Variants in TRIM54 observed in about 807,000 individuals in gnomAD.
TRIM54 encodes tripartite motif containing 54.
In TRIM54, 40 loss-of-function variants were observed where a neutral mutation model predicts 42.0. The observed-to-expected ratio is 0.95, with a 90% confidence interval of 0.74 to 1.24. The LOEUF is 1.24. TRIM54 is among the 50% of genes most tolerant of loss of function. TRIM54 has a pLI of 0.00. For synonymous variants in TRIM54, 199 were observed against 194.9 expected (o/e 1.02, Z -0.17); for missense variants, 485 against 480.3 (o/e 1.01, Z -0.09).
chr2:27,283,772 A>G (rs79008519), intron 1 of TRIM54, among the ~76,000 whole-genome samples: 18,721 of 111,756 alleles, frequency 0.17, 1,433 homozygotes, highest in African/African-American at 0.25. Context: ...AGGCACACAC[A>G]CACACACGCG....
At position 27,307,218 on chromosome 2, in the gene TRIM54, C is replaced by T. The variant is rs1679251355; in HGVS notation, c.*333C>T. The T allele has an allele frequency of 6.7e-6, 3 of 447,754 alleles. No homozygotes were observed. The highest frequency in any genetic ancestry group is 1.2e-5 in the Non-Finnish European group (3 of 248,998). The allele number at this position is 447,754 out of a possible 1,614,324, so 27.7% of individuals were successfully genotyped here. ...CGAGGGCGGGGCGGTGGTGCCGGGA[C>T]CTCTGAGGTCCTGGGGATTTGGGGA... On this transcript the variant is annotated 3_prime_UTR_variant, in exon 9 of 9. Coordinates refer to ENST00000380075, the MANE Select transcript of TRIM54 (RefSeq NM_187841.3). The surrounding 1 kb of genome is among the most constrained non-coding windows in gnomAD (Gnocchi z 6.9).
intron 3 of TRIM54, 97 bp downstream of exon 3, chr2:27,299,513 T>C (rs1397700326): frequency 1.3e-6 from 2 of 1,541,298 alleles, no homozygotes; most frequent in Admixed American, 3.9e-5. Flanking sequence ...TGTTTACTTA[T>C]TTCTTTATTT....
At chr2:27,303,389 A>C (rs1679090060) in intron 3 of TRIM54, among the ~76,000 whole-genome samples, 1 of 152,082 alleles carries the variant, frequency 6.6e-6, no homozygotes, top group Admixed American at 6.6e-5. Flanking sequence ...GTCTCTACTA[A>C]AGATACAAAA....
intron 1 of TRIM54, among the ~76,000 whole-genome samples, chr2:27,283,772 A>ATGCGCGCGCGCGCG (rs1678461831): frequency 1.8e-5 from 2 of 112,138 alleles, no homozygotes; most frequent in Admixed American, 1.8e-4. Flanking sequence ...AGGCACACAC[A>ATGCGCGCGCGCGCG]CACACACGCG....
chr2:27,287,907 T>G (rs770779918), intron 1 of TRIM54, among the ~76,000 whole-genome samples: 1 of 152,204 alleles, frequency 6.6e-6, no homozygotes, highest in Non-Finnish European at 1.5e-5. Flanking sequence ...TGGATTTCCA[T>G]TTTTTGAGGG....
At position 27,306,252 on chromosome 2, in the gene TRIM54, G is replaced by T; in HGVS notation, c.906G>T (p.Pro302=). Residue 302 remains proline, a synonymous_variant, in exon 7 of 9, where the codon CCG becomes CCT. Coordinates refer to ENST00000380075, the MANE Select transcript of TRIM54 (RefSeq NM_187841.3). The surrounding 1 kb of genome is among the most constrained non-coding windows in gnomAD (Gnocchi z 6.1). The part of the protein sequence containing the change: ...AMSKVELAGR[P]EPGYESMEQF... ...CGAAGGTGGAGCTGGCAGGGCGGCC[G>T]GAGCCAGGCTATGAGAGCATGGAGC... 1 of 1,614,090 alleles carries T rather than the reference G, an allele frequency of 6.2e-7. No homozygotes were observed. Among genetic ancestry groups the T allele is most frequent in the Non-Finnish European group, 8.5e-7 (1 of 1,180,002 alleles).
chr2:27,283,635 G>A (rs1450665481), intron 1 of TRIM54, among the ~76,000 whole-genome samples: 5 of 151,558 alleles, frequency 3.3e-5, no homozygotes. Context: ...TATAGCCACT[G>A]GTTTAGAAAT....
chr2:27,291,347 C>A (rs1188080133), intron 1 of TRIM54, among the ~76,000 whole-genome samples: 3 of 152,130 alleles, frequency 2.0e-5, no homozygotes, highest in South Asian at 2.1e-4. Context: ...AGGAGTGAAA[C>A]CCTGTCGCAA....
At position 27,283,782 on chromosome 2, in the gene TRIM54, G is replaced by GCACA. The variant is rs1294495519; in HGVS notation, c.168+884_168+885insACAC. Among the ~76,000 whole-genome samples the GCACA allele has an allele frequency of 5.2e-3, 451 of 86,322 alleles. 4 individuals are homozygous for GCACA. The highest frequency in any genetic ancestry group is 0.016 in the African/African-American group (324 of 20,534). 56.6% of individuals were successfully genotyped at this position (86,322 alleles called of 152,430 possible). A position where few individuals can be genotyped will look rare whatever the true frequency, so the allele number is the denominator to read the frequency against. On this transcript the variant is annotated intron_variant, in intron 1 of 8. Transcript: ENST00000380075. ...GGCAAAGGCACACACACACACACGC[G>GCACA]CGCACACACACACACACACACACAC...
At chr2:27,284,139 AC>A (rs1678491000) in intron 1 of TRIM54, among the ~76,000 whole-genome samples, 1 of 152,166 alleles carries the variant, frequency 6.6e-6, no homozygotes, top group South Asian at 2.1e-4. Flanking sequence ...TCTCAAAAAA[AC>A]AAAAACAAAA....
chr2:27,282,601 G>C lies in TRIM54; in HGVS notation c.-131G>C. ...GACGAGACAAGTTGTTAAAGGGACAGGAGAGAAAGCAGAGCTATTTCAAGA... is the reference window on the plus strand; with the variant it reads ...GACGAGACAAGTTGTTAAAGGGACACGAGAGAAAGCAGAGCTATTTCAAGA... On this transcript the variant is annotated 5_prime_UTR_variant, in exon 1 of 9. Transcript: ENST00000380075. 1 of 999,786 alleles carries C rather than the reference G, an allele frequency of 1.0e-6. No individual in the cohort carries two copies. Among genetic ancestry groups the C allele is most frequent in the Non-Finnish European group, 1.4e-6 (1 of 691,818 alleles). 61.9% of individuals were successfully genotyped at this position (999,786 alleles called of 1,614,324 possible).
At chr2:27,287,895 T>G (rs1678621632) in intron 1 of TRIM54, among the ~76,000 whole-genome samples, 1 of 152,230 alleles carries the variant, frequency 6.6e-6, no homozygotes, top group Non-Finnish European at 1.5e-5. Flanking sequence ...AAAATATTTT[T>G]GTGGATTTCC....
rs373823163 is a variant in TRIM54 at position 27,306,390 on chromosome 2, G to A, written c.991+53G>A. ...GACGGGTTCGGACCCTCTGTGTGGG[G>A]GGTGCGGCGGGCACGATGGCCGTAA... is the stretch of plus-strand genomic sequence containing the variant. On this transcript the variant is annotated intron_variant, in intron 7 of 8. Transcript: ENST00000380075. The surrounding 1 kb of genome is among the most constrained non-coding windows in gnomAD (Gnocchi z 6.1). 1.4e-5 allele frequency: 23 copies of A among 1,613,456 alleles called. No homozygotes were observed. The East Asian group carries it at 2.2e-4, about 16-fold the overall frequency.
At chr2:27,301,929 G>A (rs1407691446) in intron 3 of TRIM54, among the ~76,000 whole-genome samples, 4 of 152,066 alleles carry the variant, frequency 2.6e-5, no homozygotes, top group African/African-American at 9.7e-5. Context: ...CGAGGCGGGC[G>A]GATCACCTGC....
chr2:27,297,248 G>A (rs1431927047), intron 1 of TRIM54, among the ~76,000 whole-genome samples: 3 of 152,318 alleles, frequency 2.0e-5, no homozygotes, highest in Middle Eastern at 6.8e-3. Flanking sequence ...CAGGGTGGCC[G>A]TGATGTCAGC....
rs1462320802 is a variant in TRIM54, at chr2:27,306,561, G to A, written c.*1+19G>A. 6.6e-7 allele frequency: 1 copy of A among 1,524,922 alleles called. No homozygotes were observed. The highest frequency in any genetic ancestry group is 8.8e-7 in the Non-Finnish European group (1 of 1,135,234). The allele number at this position is 1,524,922 out of a possible 1,614,324, so 94.5% of individuals were successfully genotyped here. A position where few individuals can be genotyped will look rare whatever the true frequency, so the allele number is the denominator to read the frequency against. On this transcript the variant is annotated intron_variant, in intron 8 of 8. Transcript: ENST00000380075. The surrounding 1 kb of genome is among the most constrained non-coding windows in gnomAD (Gnocchi z 6.1). Reference sequence around the variant, plus strand: ...CCTTAAGGTGAGAGCCGCCCGATGGGCCTTAAGGTGAGAGCGGCCTGAGGG... The same window carrying A: ...CCTTAAGGTGAGAGCCGCCCGATGGACCTTAAGGTGAGAGCGGCCTGAGGG...
intron 1 of TRIM54, among the ~76,000 whole-genome samples, chr2:27,297,432 C>T (rs1678895734): frequency 1.3e-5 from 2 of 152,180 alleles, no homozygotes; most frequent in South Asian, 4.1e-4. Flanking sequence ...GATCTCCCTT[C>T]TAGGATAGGA....
rs559192453 is a variant in TRIM54, at chr2:27,289,996, C to T, written c.168+7097C>T. On this transcript the variant is annotated intron_variant, in intron 1 of 8. Coordinates refer to ENST00000380075, the MANE Select transcript of TRIM54 (RefSeq NM_187841.3). The stretch of plus-strand genomic sequence containing the variant: ...AAGTGATTCTCATGCCTCAGCTTCC[C>T]GAGTAGCTGGGATTACAGGTGCAAG... Among the ~76,000 whole-genome samples, 10 of 151,030 alleles carry T rather than the reference C, an allele frequency of 6.6e-5. No homozygotes were observed. The South Asian group carries it at 8.4e-4, about 13-fold the overall frequency.
intron 1 of TRIM54, among the ~76,000 whole-genome samples, chr2:27,284,258 T>G (rs1678495108): frequency 6.6e-6 from 1 of 152,244 alleles, no homozygotes; most frequent in Non-Finnish European, 1.5e-5. Context: ...AGGAAATGTG[T>G]TAAACACAAG....
Sources: allele counts gnomAD v4.1 joint callset (sites outside exome capture counted in the v4.1 genomes callset), GRCh38; gene constraint gnomAD v4.1.1; non-coding constraint Gnocchi (gnomAD v3.1); transcripts MANE v1.5; gene names NCBI Gene and HGNC (gene_info 2026-07-23, HGNC 2026-07-21).